Variants in CCNE1 observed in about 807,000 individuals in gnomAD.
CCNE1 encodes the protein G1/S-specific cyclin-E1.
In CCNE1, 8 loss-of-function variants were observed where a neutral mutation model predicts 54.1. The observed-to-expected ratio is 0.15, with a 90% CI of 0.09 to 0.27. CCNE1 has a LOEUF of 0.27. Ranked by LOEUF, CCNE1 falls within the 10% of genes least tolerant of loss-of-function variation. CCNE1 has a pLI of 1.00. For synonymous variants in CCNE1, 179 were observed against 185.2 expected (o/e 0.97, Z 0.27); for missense variants, 430 against 514.9 (o/e 0.84, Z 1.60).
chr19:29,812,654 G>T (rs755771630), intron 2 of CCNE1, 35 bp from the exon 3 acceptor site: 300 of 1,564,430 alleles, frequency 1.9e-4, no homozygotes, highest in Non-Finnish European at 2.6e-4. Flanking sequence ...GCGGCCGCGG[G>T]TGCTCACCCG....
At chr19:29,812,275 A>C in intron 1 of CCNE1, 123 bp downstream of exon 1, 6 of 166,356 alleles carry the variant, frequency 3.6e-5, no homozygotes, top group Non-Finnish European at 4.9e-5. Context: ...GGCGCCCGGG[A>C]GGGTGCTGAG....
rs879397969 is a variant in CCNE1 at position 29,813,012 on chromosome 19, C to T, written c.155C>T (p.Thr52Met). Residue 52 changes from threonine to methionine, a missense_variant, in exon 4 of 12, where the codon ACG becomes ATG. By Grantham distance (81) the Thr-to-Met change is moderately conservative. This residue lies in a region of CCNE1 where 127 missense variants were observed against 113.8 expected (regional missense o/e 1.12). Coordinates refer to ENST00000262643, the MANE Select transcript of CCNE1 (RefSeq NM_001238.4). ...PDEEMAKIDR[T>M]ARDQCGSQPW... ...GAAGAAATGGCCAAAATCGACAGGA[C>T]GGCGAGGGACCAGTGTGGGAGCCAG... 1.1e-5 allele frequency: 17 copies of T among 1,614,002 alleles called. No homozygotes were observed. The highest frequency in any genetic ancestry group is 1.7e-5 in the Admixed American group (1 of 59,998).
chr19:29,813,605 A>G (rs535964440), intron 4 of CCNE1, among the ~76,000 whole-genome samples: 1 of 152,078 alleles, frequency 6.6e-6, no homozygotes, highest in South Asian at 2.1e-4. Flanking sequence ...ACCTGCATTG[A>G]TCCCCAGCTC....
At chr19:29,820,670 C>T (rs2145726651) in intron 6 of CCNE1, 32 bp from the exon 7 acceptor site, 1 of 1,516,720 alleles carries the variant, frequency 6.6e-7, no homozygotes, top group African/African-American at 1.4e-5. Context: ...GTAAAACTTA[C>T]TTGTGCTAAA....
intron 4 of CCNE1, among the ~76,000 whole-genome samples, chr19:29,815,944 C>T (rs1441788334): frequency 6.6e-6 from 1 of 151,434 alleles, no homozygotes; most frequent in African/African-American, 2.4e-5. Flanking sequence ...GGCTTGAGTC[C>T]AGGAGTTCGA....
intron 6 of CCNE1, among the ~76,000 whole-genome samples, chr19:29,818,895 T>A (rs1974089289): frequency 6.6e-6 from 1 of 152,066 alleles, no homozygotes; most frequent in South Asian, 2.1e-4. Flanking sequence ...CCCGAGTAGC[T>A]GGGATTACAG....
chr19:29,821,547 CTTTTTTTTTTTTT>C (rs35368977), intron 7 of CCNE1, among the ~76,000 whole-genome samples, 162 bp from the exon 8 acceptor site: 3 of 110,442 alleles, frequency 2.7e-5, no homozygotes, highest in African/African-American at 6.7e-5. Context: ...GAGTTGTGTT[CTTTTTTTTTTTTT>C]TTTTTTTTTT....
At chr19:29,822,203 G>T in intron 9 of CCNE1, 37 bp from the exon 10 acceptor site, 1 of 1,610,774 alleles carries the variant, frequency 6.2e-7, no homozygotes, top group Non-Finnish European at 8.5e-7. Context: ...ATAGGCGTGT[G>T]GTGGCATCCA....
Position 29,822,313 on chromosome 19 carries a change from A to G in CCNE1, c.914A>G (p.Tyr305Cys), listed in dbSNP as rs369422968. Residue 305 changes from tyrosine to cysteine, a missense_variant, in exon 10 of 12, where the codon TAT (tyrosine) becomes TGT (cysteine). By Grantham distance (194) the Tyr-to-Cys change is radical. Coordinates refer to ENST00000262643, the MANE Select transcript of CCNE1 (RefSeq NM_001238.4). ...PYGILAASALYHFSSSELMQK... is the reference protein window; with the variant it reads ...PYGILAASALCHFSSSELMQK... ...GGTATACTTGCTGCTTCGGCCTTGT[A>G]TCATTTCTCGTCATCTGAATTGATG... 4 of 1,614,142 alleles carry G rather than the reference A, an allele frequency of 2.5e-6. No homozygotes were observed. In the African/African-American group the frequency reaches 4.0e-5, roughly 16 times the overall value.
In CCNE1 at chr19:29,812,966, T is replaced by A. The variant is rs1407011354; in HGVS notation, c.112-3T>A. The A allele has an allele frequency of 6.2e-7, 1 of 1,614,182 alleles. No homozygotes were observed. The highest frequency in any genetic ancestry group is 8.5e-7 in the Non-Finnish European group (1 of 1,180,006). On this transcript the variant is annotated splice_region_variant and splice_polypyrimidine_tract_variant and intron_variant, in intron 3 of 11. Transcript: ENST00000262643. ...TGGGGTCATGGGGGTGGCTTCATGT[T>A]AGTTTTTGCAGGATCCAGATGAAGA... is the stretch of plus-strand genomic sequence containing the variant.
chr19:29,822,992 G>C (rs1974188657), intron 11 of CCNE1, among the ~76,000 whole-genome samples: 2 of 151,290 alleles, frequency 1.3e-5, no homozygotes, highest in Non-Finnish European at 2.9e-5. Flanking sequence ...CTTCAGGCAG[G>C]CCCCAAATAT....
At chr19:29,813,175 C>T (rs2145716217) in intron 4 of CCNE1, 138 bp downstream of exon 4, 1 of 722,488 alleles carries the variant, frequency 1.4e-6, no homozygotes, top group Admixed American at 2.5e-5. Flanking sequence ...CCATATGGCC[C>T]AGCACTGTAC....
intron 4 of CCNE1, among the ~76,000 whole-genome samples, chr19:29,816,165 A>G (rs916022311): frequency 2.6e-5 from 4 of 151,796 alleles, no homozygotes; most frequent in African/African-American, 9.7e-5. Context: ...CAAAAAAAAA[A>G]AAAAAAAAGC....
intron 4 of CCNE1, among the ~76,000 whole-genome samples, chr19:29,813,882 T>G (rs118182084): frequency 0.012 from 1,807 of 152,330 alleles, 19 homozygotes; most frequent in Non-Finnish European, 0.019. Context: ...TCAGGCCTTC[T>G]GACTCTATCA....
chr19:29,817,042 T>A (rs1974032770), intron 4 of CCNE1, 95 bp from the exon 5 acceptor site: 1 of 1,270,690 alleles, frequency 7.9e-7, no homozygotes, highest in Admixed American at 2.1e-5. Flanking sequence ...ATGCCTAGTA[T>A]CTTACTGAGT....
chr19:29,814,539 A>G (rs1021124163), intron 4 of CCNE1, among the ~76,000 whole-genome samples: 2 of 152,224 alleles, frequency 1.3e-5, no homozygotes, highest in African/African-American at 2.4e-5. Flanking sequence ...ACAGATTTCT[A>G]TACGTTTTGT....
chr19:29,821,226 A>G, intron 7 of CCNE1, among the ~76,000 whole-genome samples: 1 of 152,168 alleles, frequency 6.6e-6, no homozygotes, highest in East Asian at 1.9e-4. Flanking sequence ...TTTGTACTAA[A>G]AATACAAAAA....
At chr19:29,817,631 C>T (rs977276235) in intron 6 of CCNE1, 90 bp downstream of exon 6, 9 of 1,351,188 alleles carry the variant, frequency 6.7e-6, no homozygotes, top group East Asian at 2.3e-5. Context: ...TTTATTCCCT[C>T]GACATGTTCT....
intron 6 of CCNE1, among the ~76,000 whole-genome samples, chr19:29,818,006 C>T (rs1451512895): frequency 2.0e-5 from 3 of 147,894 alleles, no homozygotes; most frequent in Non-Finnish European, 4.4e-5. Context: ...GGATTACAGG[C>T]GCACGCCATC....
Sources: gnomAD v4.1 joint callset for allele counts (sites outside exome capture counted in the v4.1 genomes callset) on GRCh38, gnomAD v4.1.1 for gene constraint, gnomAD v4.1.1 regional missense constraint, MANE v1.5 for transcripts, NCBI Gene and HGNC (gene_info 2026-07-23, HGNC 2026-07-21) for gene names.